The following IKBKB variants were observed in gnomAD, a reference collection of about 807,000 sequenced individuals.
The protein encoded by IKBKB is inhibitor of nuclear factor kappa-B kinase subunit beta.
Under a neutral mutation model 113.6 loss-of-function variants are expected in IKBKB, and 42 were observed. The observed-to-expected ratio is 0.37, with a 90% CI of 0.29 to 0.48. The LOEUF (loss-of-function observed/expected upper bound fraction) is 0.48, where lower values mean the gene tolerates loss of function less well. IKBKB is among the 20% of genes least tolerant of loss of function. IKBKB has a pLI of 0.99. For missense variants in IKBKB, 673 were observed against 939.7 expected, an observed-to-expected ratio of 0.72 and a Z score of 3.71; for synonymous variants, 296 against 361.3, an observed-to-expected ratio of 0.82 and a Z score of 2.05.
intron 20 of IKBKB, among the ~76,000 whole-genome samples, chr8:42,327,835 G>T (rs1164165070): frequency 1.5e-3 from 9 of 5,898 alleles, no homozygotes; most frequent in Non-Finnish European, 4.6e-3. Flanking sequence ...ACGGAGTCTC[G>T]CTCTGTTGCC....
chr8:42,327,632 C>CT (rs746891907), intron 20 of IKBKB, among the ~76,000 whole-genome samples: 4,119 of 122,800 alleles, frequency 0.034, 91 homozygotes, highest in Non-Finnish European at 0.047. Context: ...TGCACCCAGC[C>CT]TTTTTTTTTT....
intron 5 of IKBKB, among the ~76,000 whole-genome samples, chr8:42,303,087 G>GAA (rs1815661452): frequency 3.0e-5 from 4 of 135,558 alleles, no homozygotes; most frequent in South Asian, 2.5e-4. Context: ...GAGAGAGAGA[G>GAA]AGAATGAGAG....
At chr8:42,328,533 G>A (rs984923748) in intron 20 of IKBKB, among the ~76,000 whole-genome samples, 9 of 152,152 alleles carry the variant, frequency 5.9e-5, no homozygotes, top group South Asian at 4.1e-4. Context: ...GTGGACCTGG[G>A]TATATAGGAT....
intron 9 of IKBKB, 49 bp downstream of exon 9, chr8:42,314,478 A>C (rs770284883): frequency 7.9e-7 from 1 of 1,258,916 alleles, no homozygotes; most frequent in South Asian, 1.2e-5. Context: ...TGCTTTTTTT[A>C]GAAATACAAG....
Position 42,322,375 on chromosome 8 carries a change from C to T in IKBKB, c.1867C>T (p.Leu623=). Residue 623 remains leucine, a synonymous_variant, in exon 19 of 22, where the codon CTG becomes TTG. Coordinates refer to ENST00000520810, the MANE Select transcript of IKBKB (RefSeq NM_001556.3). The part of the protein sequence containing the change: ...SKTVVCKQKA[L]ELLPKVEEVV... The stretch of plus-strand genomic sequence containing the variant: ...AACTGTGGTTTGCAAGCAGAAGGCG[C>T]TGGAACTGTTGCCCAAGGTGGAAGA... The T allele has an allele frequency of 3.1e-6, 5 of 1,613,752 alleles. No individual in the cohort carries two copies. In the South Asian group the frequency reaches 5.5e-5, roughly 18 times the overall value.
chr8:42,313,567 C>T (rs1818129310), intron 8 of IKBKB, among the ~76,000 whole-genome samples: 1 of 152,058 alleles, frequency 6.6e-6, no homozygotes, highest in Non-Finnish European at 1.5e-5. Context: ...TATGTGTGTG[C>T]GTAGGTTTTG....
In IKBKB at chr8:42,316,463, A is replaced by C; in HGVS notation, c.930+124A>C. The C allele has an allele frequency of 8.5e-7, 1 of 1,172,746 alleles. No individual in the cohort carries two copies. The highest frequency in any genetic ancestry group is 1.5e-5 in the African/African-American group (1 of 65,372). The allele number at this position is 1,172,746 out of a possible 1,614,324, so 72.6% of individuals were successfully genotyped here. On this transcript the variant is annotated intron_variant, in intron 10 of 21. Coordinates refer to ENST00000520810, the MANE Select transcript of IKBKB (RefSeq NM_001556.3). The surrounding 1 kb of genome is among the most constrained non-coding windows in gnomAD (Gnocchi z 4.5). ...GTGAGGAAATTTAGGCTCCTGCATCAGTCTTTCTGCATAAGTAAAGAAAGG... is the reference window on the plus strand; with the variant it reads ...GTGAGGAAATTTAGGCTCCTGCATCCGTCTTTCTGCATAAGTAAAGAAAGG...
chr8:42,329,849 C>T, intron 21 of IKBKB: 17 of 985,434 alleles, frequency 1.7e-5, no homozygotes, highest in Non-Finnish European at 2.0e-5. Flanking sequence ...GAGAATCCTG[C>T]ATCATTTGCT....
At chr8:42,289,089 G>A (rs548805819) in intron 3 of IKBKB, among the ~76,000 whole-genome samples, 12 of 152,242 alleles carry the variant, frequency 7.9e-5, no homozygotes, top group Admixed American at 4.6e-4. Flanking sequence ...GGTGGCGGGC[G>A]CTGTAGTCTC....
At chr8:42,274,657 C>T (rs918807610) in intron 2 of IKBKB, among the ~76,000 whole-genome samples, 3 of 151,526 alleles carry the variant, frequency 2.0e-5, no homozygotes, top group Admixed American at 6.6e-5. Flanking sequence ...CCCAGCCTCC[C>T]GAGTTGCTGA....
At chr8:42,320,951 T>G in intron 16 of IKBKB, 107 bp downstream of exon 16, 2 of 607,294 alleles carry the variant, frequency 3.3e-6, no homozygotes, top group Non-Finnish European at 5.6e-6. Context: ...GACCATTCTC[T>G]AGAGCATGCT....
In IKBKB at chr8:42,308,947, A is replaced by G. The variant is rs1166915207; in HGVS notation, c.614A>G (p.Tyr205Cys). The G allele has an allele frequency of 6.2e-7, 1 of 1,614,144 alleles. No homozygotes were observed. The highest frequency in any genetic ancestry group is 8.5e-7 in the Non-Finnish European group (1 of 1,179,980). Residue 205 changes from tyrosine to cysteine, a missense_variant, in exon 8 of 22, where the codon TAC (tyrosine) becomes TGC (cysteine). By Grantham distance (194) the Tyr-to-Cys change is radical. This residue lies in a region of IKBKB where 167 missense variants were observed against 301.0 expected (regional missense o/e 0.55). Coordinates refer to ENST00000520810, the MANE Select transcript of IKBKB (RefSeq NM_001556.3). ...CAGAAGTACACAGTGACCGTCGACT[A>G]CTGGAGCTTCGGCACCCTGGCCTTT... Reference protein sequence around the residue: ...EQQKYTVTVDYWSFGTLAFEC... With the variant: ...EQQKYTVTVDCWSFGTLAFEC...
intron 8 of IKBKB, among the ~76,000 whole-genome samples, chr8:42,311,735 T>C (rs1299450124): frequency 2.6e-5 from 4 of 152,328 alleles, no homozygotes; most frequent in African/African-American, 7.2e-5. Context: ...TGCCCCACTA[T>C]GGTGACTTAT....
chr8:42,329,714 T>C lies in IKBKB; in HGVS notation c.2205+500T>C, dbSNP rs1441046378. ...TGCTGAGTATTTGTGTGTTGAGTGC[T>C]GGGCTGGGAGCAGGAACCAGCCATG... On this transcript the variant is annotated intron_variant, in intron 21 of 21. Transcript: ENST00000520810. 17 of 985,270 alleles carry C rather than the reference T, an allele frequency of 1.7e-5. No homozygotes were observed. In the Admixed American group the frequency reaches 1.0e-3, roughly 61 times the overall value. The allele number at this position is 985,270 out of a possible 1,614,324, so 61.0% of individuals were successfully genotyped here.
chr8:42,306,472 CCTG>C, intron 7 of IKBKB, 40 bp downstream of exon 7: 1 of 1,302,592 alleles, frequency 7.7e-7, no homozygotes, highest in Non-Finnish European at 1.1e-6. Context: ...TCAGCTCCTC[CCTG>C]CTGCTGCATT....
chr8:42,309,603 G>A (rs987325322), intron 8 of IKBKB: 2 of 237,108 alleles, frequency 8.4e-6, no homozygotes, highest in South Asian at 4.1e-5. Context: ...AAAAACCCTA[G>A]CCAGGTGTGG....
At chr8:42,305,139 G>A in intron 5 of IKBKB, 48 bp from the exon 6 acceptor site, 1 of 1,281,682 alleles carries the variant, frequency 7.8e-7, no homozygotes, top group Non-Finnish European at 1.1e-6. Context: ...ATTCTGTCAT[G>A]AAAAGCATTT....
At position 42,320,904 on chromosome 8, in the gene IKBKB, G is replaced by A. The variant is rs540588206; in HGVS notation, c.1688+60G>A. The stretch of plus-strand genomic sequence containing the variant: ...CACACACAGACAGCCCTGGAGCTTC[G>A]GTGTGTGTGTCAAGGGCACCCTCAG... On this transcript the variant is annotated intron_variant, in intron 16 of 21. Coordinates refer to ENST00000520810, the MANE Select transcript of IKBKB (RefSeq NM_001556.3). 44 of 1,112,354 alleles carry A rather than the reference G, an allele frequency of 4.0e-5. No homozygotes were observed. In the Admixed American group the frequency reaches 6.9e-4, roughly 18 times the overall value. The allele number at this position is 1,112,354 out of a possible 1,614,324, so 68.9% of individuals were successfully genotyped here. A position where few individuals can be genotyped will look rare whatever the true frequency, so the allele number is the denominator to read the frequency against.
At position 42,294,153 on chromosome 8, in the gene IKBKB, T is replaced by C. The variant is rs149993619; in HGVS notation, c.388+641T>C. On this transcript the variant is annotated intron_variant, in intron 5 of 21. Transcript: ENST00000520810. The stretch of plus-strand genomic sequence containing the variant: ...GGGAGAGGGACTTGCTCAGAGCTTT[T>C]TGTTTTTTTTAAAAAATAATCTCCA... Among the ~76,000 whole-genome samples, 5 of 152,308 alleles carry C rather than the reference T, an allele frequency of 3.3e-5. No individual in the cohort carries two copies. In the East Asian group the frequency reaches 9.6e-4, roughly 29 times the overall value.
Sources: allele counts gnomAD v4.1 joint callset (sites outside exome capture counted in the v4.1 genomes callset), GRCh38; gene constraint gnomAD v4.1.1; regional missense constraint gnomAD v4.1.1; non-coding constraint Gnocchi (gnomAD v3.1); transcripts MANE v1.5; gene names NCBI Gene and HGNC (gene_info 2026-07-23, HGNC 2026-07-21).